CFAP299: variants seen among roughly 807,000 people sequenced by gnomAD.
The protein encoded by CFAP299 is cilia and flagella associated protein 299.
Under a neutral mutation model 27.0 loss-of-function variants are expected in CFAP299, and 21 were observed. The ratio of observed to expected loss-of-function variants is 0.78; its 90% CI spans 0.55 to 1.12. The LOEUF (loss-of-function observed/expected upper bound fraction) is 1.12. Ranked by LOEUF, CFAP299 falls within the 50% of genes most tolerant of loss-of-function variation. The pLI is 0.00. For missense variants in CFAP299, 310 were observed against 276.6 expected (o/e 1.12, Z -0.86); for synonymous variants, 104 against 98.1 (o/e 1.06, Z -0.36).
intron 1 of CFAP299, among the ~76,000 whole-genome samples, chr4:80,356,178 A>G (rs1285323183): frequency 6.6e-6 from 1 of 151,494 alleles, no homozygotes; most frequent in Admixed American, 6.6e-5. Flanking sequence ...TGAGTTCTCC[A>G]TTCTGTTCCA....
chr4:80,379,952 C>G (rs1411153443), intron 2 of CFAP299, among the ~76,000 whole-genome samples: 1 of 152,018 alleles, frequency 6.6e-6, no homozygotes, highest in Non-Finnish European at 1.5e-5. Context: ...CCTACTGTAT[C>G]CTTACTGATT....
rs1246045569 is a variant in CFAP299, at chr4:80,831,777, A to T, written c.334-38216A>T. On this transcript the variant is annotated intron_variant, in intron 3 of 5. Coordinates refer to ENST00000358105, the MANE Select transcript of CFAP299 (RefSeq NM_152770.3). ...ATACAACTGATACTACCCATTGGGG[A>T]CATACCATTTTAGCATCTAATAATT... is the stretch of plus-strand genomic sequence containing the variant. 3.3e-5 allele frequency among the ~76,000 whole-genome samples: 5 copies of T among 152,294 alleles called. No individual in the cohort carries two copies. In the South Asian group the frequency reaches 6.2e-4, roughly 19 times the overall value.
intron 2 of CFAP299, among the ~76,000 whole-genome samples, chr4:80,539,499 T>C (rs562368507): frequency 4.4e-4 from 67 of 152,282 alleles, no homozygotes; most frequent in Non-Finnish European, 7.2e-4. Context: ...GCCAATGGGC[T>C]CTGGGCTGTA....
At chr4:80,717,849 A>C (rs1056471442) in intron 3 of CFAP299, among the ~76,000 whole-genome samples, 41 of 152,272 alleles carry the variant, frequency 2.7e-4, no homozygotes, top group African/African-American at 9.4e-4. Flanking sequence ...TTAAATGTAC[A>C]GATGTTTGCT....
chr4:80,780,987 T>A (rs575575120), intron 3 of CFAP299, among the ~76,000 whole-genome samples: 91 of 151,934 alleles, frequency 6.0e-4, no homozygotes, highest in Non-Finnish European at 1.0e-3. Flanking sequence ...AAATGTGTAT[T>A]ATGTAATTAT....
chr4:80,867,628 G>C (rs1228936859), intron 3 of CFAP299, among the ~76,000 whole-genome samples: 1 of 152,108 alleles, frequency 6.6e-6, no homozygotes, highest in Non-Finnish European at 1.5e-5. Context: ...CTTGCAGATG[G>C]CCATCTTCTT....
chr4:80,561,044 G>C lies in CFAP299; in HGVS notation c.243-22049G>C, dbSNP rs193074174. ...TTTCTGGCTTCAGGTCTGATGCAGT[G>C]CAGTCATAGTGGTGGTGGTCACAGG... On this transcript the variant is annotated intron_variant, in intron 2 of 5. Transcript: ENST00000358105. 2.0e-5 allele frequency among the ~76,000 whole-genome samples: 3 copies of C among 152,272 alleles called. No individual in the cohort carries two copies. In the East Asian group the frequency reaches 5.8e-4, roughly 29 times the overall value.
At chr4:80,857,796 G>T (rs1732017858) in intron 3 of CFAP299, among the ~76,000 whole-genome samples, 1 of 152,184 alleles carries the variant, frequency 6.6e-6, no homozygotes, top group African/African-American at 2.4e-5. Context: ...TGTGCTGCTG[G>T]ATTTGGTTTG....
At chr4:80,350,737 A>G (rs1722973390) in intron 1 of CFAP299, among the ~76,000 whole-genome samples, 1 of 152,130 alleles carries the variant, frequency 6.6e-6, no homozygotes, top group Non-Finnish European at 1.5e-5. Context: ...GAACAATGAG[A>G]ACGCACGGAC....
chr4:80,877,202 A>C (rs1289979892), intron 4 of CFAP299, among the ~76,000 whole-genome samples: 1 of 152,180 alleles, frequency 6.6e-6, no homozygotes, highest in Non-Finnish European at 1.5e-5. Flanking sequence ...GTTCAAAAAA[A>C]TTTTGTAATA....
intron 2 of CFAP299, among the ~76,000 whole-genome samples, chr4:80,548,167 A>T (rs936116141): frequency 1.3e-5 from 2 of 151,942 alleles, no homozygotes; most frequent in Non-Finnish European, 2.9e-5. Context: ...AAATATGGTA[A>T]ATATACACTG....
intron 2 of CFAP299, among the ~76,000 whole-genome samples, chr4:80,405,204 C>T (rs1448244103): frequency 6.6e-6 from 1 of 152,102 alleles, no homozygotes; most frequent in African/African-American, 2.4e-5. Context: ...GGCCTGTTAG[C>T]AGTGTGGCTT....
intron 4 of CFAP299, among the ~76,000 whole-genome samples, chr4:80,892,084 A>G (rs1734336262): frequency 6.6e-6 from 1 of 152,140 alleles, no homozygotes; most frequent in African/African-American, 2.4e-5. Flanking sequence ...AACTAAAGAA[A>G]TCACATTATC....
intron 2 of CFAP299, among the ~76,000 whole-genome samples, chr4:80,399,348 C>T (rs1176596381): frequency 6.6e-6 from 1 of 152,096 alleles, no homozygotes; most frequent in Non-Finnish European, 1.5e-5. Flanking sequence ...TGGGTATATA[C>T]CCAAAGGATT....
At chr4:80,800,186 G>T (rs189072687) in intron 3 of CFAP299, among the ~76,000 whole-genome samples, 2 of 59,948 alleles carry the variant, frequency 3.3e-5, no homozygotes, top group African/African-American at 6.9e-5. Flanking sequence ...ATAATAATAT[G>T]TAATACTATA....
At chr4:80,633,382 T>G (rs1560668480) in intron 3 of CFAP299, among the ~76,000 whole-genome samples, 1 of 151,958 alleles carries the variant, frequency 6.6e-6, no homozygotes. Flanking sequence ...GAGGTTGGAG[T>G]GAGCCGAGTG....
intron 1 of CFAP299, 39 bp from the exon 2 acceptor site, chr4:80,362,715 T>A (rs890972681): frequency 6.4e-7 from 1 of 1,557,098 alleles, no homozygotes; most frequent in African/African-American, 1.4e-5. Flanking sequence ...ATAGTATGTC[T>A]CATTTGCCCA....
intron 3 of CFAP299, among the ~76,000 whole-genome samples, chr4:80,623,012 A>T (rs1027065419): frequency 2.6e-5 from 4 of 152,216 alleles, no homozygotes; most frequent in South Asian, 2.1e-4. Flanking sequence ...CACTTTTTTT[A>T]AAAAAGTGGA....
intron 3 of CFAP299, 30 bp downstream of exon 3, chr4:80,583,213 T>C (rs1480484214): frequency 2.3e-6 from 3 of 1,316,456 alleles, no homozygotes. Flanking sequence ...CAGCTTAAAA[T>C]GTATACACTA....
Sources: allele counts gnomAD v4.1 joint callset (sites outside exome capture counted in the v4.1 genomes callset), GRCh38; gene constraint gnomAD v4.1.1; transcripts MANE v1.5; gene names NCBI Gene and HGNC (gene_info 2026-07-23, HGNC 2026-07-21).